Variants in SSX5 observed in about 807,000 individuals in gnomAD.
SSX5 encodes the protein protein SSX5.
A neutral mutation model predicts 14.9 loss-of-function variants in SSX5; 14 were observed. The ratio of observed to expected loss-of-function variants is 0.94; its 90% CI spans 0.62 to 1.47. The LOEUF (loss-of-function observed/expected upper bound fraction) is 1.47. Ranked by LOEUF, SSX5 falls within the 40% of genes most tolerant of loss-of-function variation. The pLI is 0.00. For synonymous variants in SSX5, 70 were observed against 55.4 expected, an observed-to-expected ratio of 1.26 and a Z score of -1.17; for missense variants, 204 against 154.6, an observed-to-expected ratio of 1.32 and a Z score of -1.70.
At chrX:48,191,066 C>T (rs1262562675) in intron 5 of SSX5, among the ~76,000 whole-genome samples, 1 of 109,853 alleles carries the variant, frequency 9.1e-6, no homozygotes, top group East Asian at 2.9e-4. Context: ...TACCACGCCC[C>T]GCTAAGTTTT....
chrX:48,196,503 A>G, intron 1 of SSX5, among the ~76,000 whole-genome samples: 1 of 108,545 alleles, frequency 9.2e-6, no homozygotes, highest in East Asian at 2.9e-4. Context: ...TGTGGCCTCC[A>G]AAACTGCTGG....
At chrX:48,193,609 C>A (rs1400585742) in intron 4 of SSX5, among the ~76,000 whole-genome samples, 1 of 110,595 alleles carries the variant, frequency 9.0e-6, no homozygotes, top group Admixed American at 9.7e-5. Flanking sequence ...ATTAGCTGGG[C>A]GTTTGGGTGG....
intron 6 of SSX5, among the ~76,000 whole-genome samples, chrX:48,188,782 C>T (rs1245393481): frequency 3.6e-5 from 4 of 112,337 alleles, no homozygotes; most frequent in Non-Finnish European, 5.6e-5. Context: ...ACCAAACAGC[C>T]AAGCTGTGAA....
intron 2 of SSX5, 122 bp from the exon 3 acceptor site, chrX:48,194,976 A>G: frequency 7.4e-6 from 9 of 1,211,381 alleles, no homozygotes; most frequent in Non-Finnish European, 1.0e-5. Flanking sequence ...GGTTGATGCC[A>G]TGGCTAACTG....
intron 7 of SSX5, among the ~76,000 whole-genome samples, chrX:48,187,338 T>C (rs1556923979): frequency 9.0e-6 from 1 of 110,547 alleles, no homozygotes; most frequent in African/African-American, 3.3e-5. Context: ...CGGGTGCTTG[T>C]AGCCCCAGCT....
intron 1 of SSX5, among the ~76,000 whole-genome samples, chrX:48,195,742 G>A (rs1344816465): frequency 4.5e-5 from 5 of 111,146 alleles, no homozygotes; most frequent in Admixed American, 9.6e-5. Flanking sequence ...CAGTGGGGGC[G>A]TTCTGACACC....
At position 48,186,502 on chromosome X, in the gene SSX5, G is replaced by A. The variant is rs1296874735; in HGVS notation, c.*359C>T. The A allele has an allele frequency of 1.3e-4, 48 of 365,822 alleles. No homozygotes were observed. The highest frequency in any genetic ancestry group is 4.7e-4 in the African/African-American group (18 of 38,542). 30.1% of individuals were successfully genotyped at this position (365,822 alleles called of 1,213,427 possible). A position where few individuals can be genotyped will look rare whatever the true frequency, so the allele number is the denominator to read the frequency against. On this transcript the variant is annotated 3_prime_UTR_variant, in exon 8 of 8. Coordinates refer to ENST00000347757, the MANE Select transcript of SSX5 (RefSeq NM_175723.2). ...TTAAACACTCAGAACTGCCCTCAGT[G>A]GTCACATCTGGGAAGAGAGGAGGGT...
rs200246810 is a variant in SSX5, at chrX:48,186,405, C to T, written c.*456G>A. 74 of 231,300 alleles carry T rather than the reference C, an allele frequency of 3.2e-4. No homozygotes were observed. The highest frequency in any genetic ancestry group is 1.9e-3 in the East Asian group (15 of 7,706). 19.1% of individuals were successfully genotyped at this position (231,300 alleles called of 1,213,427 possible). ...GTGTGTGTGTGTGTGTGTGTGTGTG[C>T]GCGCGCGCGCGCATGTGTGTCTGTG... On this transcript the variant is annotated 3_prime_UTR_variant, in exon 8 of 8. Coordinates refer to ENST00000347757, the MANE Select transcript of SSX5 (RefSeq NM_175723.2).
intron 1 of SSX5, among the ~76,000 whole-genome samples, chrX:48,195,933 C>A (rs1653820785): frequency 9.0e-6 from 1 of 111,019 alleles, no homozygotes. Context: ...AGGAAGAGAG[C>A]TAGAATTTCT....
Position 48,186,512 on chromosome X carries a change from G to GGGAAGAGAGGA in SSX5, c.*338_*348dup. 1 of 382,527 alleles carries GGGAAGAGAGGA rather than the reference G, an allele frequency of 2.6e-6. No individual in the cohort carries two copies. Among genetic ancestry groups the GGGAAGAGAGGA allele is most frequent in the Non-Finnish European group, 4.6e-6 (1 of 216,465 alleles). The allele number at this position is 382,527 out of a possible 1,213,427, so 31.5% of individuals were successfully genotyped here. A position where few individuals can be genotyped will look rare whatever the true frequency, so the allele number is the denominator to read the frequency against. Reference sequence around the variant, plus strand: ...AGAACTGCCCTCAGTGGTCACATCTGGGAAGAGAGGAGGGTAGTGTTGTTC... The same window carrying GGGAAGAGAGGA: ...AGAACTGCCCTCAGTGGTCACATCTGGGAAGAGAGGAGGAAGAGAGGAGGGTAGTGTTGTTC... On this transcript the variant is annotated 3_prime_UTR_variant, in exon 8 of 8. Transcript: ENST00000347757.
chrX:48,196,356 C>G (rs1472718680), intron 1 of SSX5, among the ~76,000 whole-genome samples: 13 of 109,452 alleles, frequency 1.2e-4, no homozygotes, highest in Non-Finnish European at 2.5e-4. Flanking sequence ...CACTTGAGCC[C>G]AGGAGGAAAG....
chrX:48,190,360 A>G, intron 5 of SSX5, 92 bp from the exon 6 acceptor site: 1 of 1,036,301 alleles, frequency 9.6e-7, no homozygotes, highest in Non-Finnish European at 1.3e-6. Context: ...CATTACCTTA[A>G]TCAATGTTCT....
At position 48,195,275 on chromosome X, in the gene SSX5, T is replaced by A. The variant is rs199714668; in HGVS notation, c.69+15A>T. ...TCCCCTGGGCCACTACTATGCCCCC[T>A]GCAGGTCACCTCACCTTTTGCATCT... On this transcript the variant is annotated intron_variant, in intron 2 of 7. Coordinates refer to ENST00000347757, the MANE Select transcript of SSX5 (RefSeq NM_175723.2). 4.0e-4 allele frequency: 486 copies of A among 1,208,687 alleles called. 2 individuals are homozygous for A. The highest frequency in any genetic ancestry group is 4.6e-4 in the Middle Eastern group (2 of 4,372).
In SSX5 at chrX:48,194,205, T is replaced by A. The variant is rs148587888; in HGVS notation, c.204A>T (p.Pro68=). 4.1e-6 allele frequency: 5 copies of A among 1,206,882 alleles called. No individual in the cohort carries two copies. Among genetic ancestry groups the A allele is most frequent in the Non-Finnish European group, 5.6e-6 (5 of 894,289 alleles). ...MTKLGFKATL[P]PFMRNKRVAD... ...CGACCCGTTTATTACGCATGAAAGG[T>A]GGGAGGGTGGCCTTGAAACCTAGAA... The change falls in exon 4 of 8, where the codon CCA becomes CCT. Residue 68 remains proline, a synonymous_variant. Transcript: ENST00000347757.
intron 7 of SSX5, 136 bp downstream of exon 7, chrX:48,187,491 T>C: frequency 1.2e-6 from 1 of 827,802 alleles, no homozygotes. Context: ...AATTTCATCA[T>C]TCAGCCTCAA....
In SSX5 at chrX:48,195,078, G is replaced by A. The variant is rs1556925554; in HGVS notation, c.69+212C>T. 3.3e-6 allele frequency: 4 copies of A among 1,211,549 alleles called. No homozygotes were observed. The highest frequency in any genetic ancestry group is 1.8e-5 in the South Asian group (1 of 56,950). On this transcript the variant is annotated intron_variant, in intron 2 of 7. Transcript: ENST00000347757. ...GGCTCTCTTCCCACCTTCCAGAACG[G>A]ACTGAGATTCACCAAATGTATTCCA...
At chrX:48,188,420 T>G (rs1298918440) in intron 6 of SSX5, among the ~76,000 whole-genome samples, 2 of 112,385 alleles carry the variant, frequency 1.8e-5, no homozygotes, top group Non-Finnish European at 3.7e-5. Context: ...GTTTTCATAC[T>G]GCACAATTAA....
chrX:48,194,697 C>T (rs200224605), intron 3 of SSX5, 43 bp downstream of exon 3: 22 of 1,143,238 alleles, frequency 1.9e-5, no homozygotes, highest in Non-Finnish European at 2.6e-5. Flanking sequence ...AAAAGGGATG[C>T]TCATGTATCC....
Position 48,186,525 on chromosome X carries a change from G to T in SSX5, c.*336C>A. On this transcript the variant is annotated 3_prime_UTR_variant, in exon 8 of 8. Coordinates refer to ENST00000347757, the MANE Select transcript of SSX5 (RefSeq NM_175723.2). ...GTGGTCACATCTGGGAAGAGAGGAG[G>T]GTAGTGTTGTTCTATGCAGAGAATA... is the stretch of plus-strand genomic sequence containing the variant. The T allele has an allele frequency of 2.5e-6, 1 of 398,635 alleles. No homozygotes were observed. Among genetic ancestry groups the T allele is most frequent in the South Asian group, 3.4e-5 (1 of 29,332 alleles). The allele number at this position is 398,635 out of a possible 1,213,427, so 32.9% of individuals were successfully genotyped here.
Sources: allele counts gnomAD v4.1 joint callset (sites outside exome capture counted in the v4.1 genomes callset), GRCh38; gene constraint gnomAD v4.1.1; transcripts MANE v1.5; gene names NCBI Gene and HGNC (gene_info 2026-07-23, HGNC 2026-07-21).